Variants in NIBAN2 observed in about 807,000 individuals in gnomAD.
The protein encoded by NIBAN2 is protein Niban 2.
A neutral mutation model predicts 81.8 loss-of-function variants in NIBAN2; 36 were observed. That is an observed-to-expected ratio of 0.44 (90% confidence interval 0.34 to 0.58). NIBAN2 has a LOEUF of 0.58. Among genes scored for constraint, NIBAN2 ranks in the 20% least tolerant of loss-of-function variants. The pLI, the probability that NIBAN2 is intolerant of heterozygous loss-of-function variation, is 0.02. For missense variants in NIBAN2, 897 were observed against 1,014.1 expected (o/e 0.88, Z 1.57); for synonymous variants, 445 against 441.6 (o/e 1.01, Z -0.10).
At chr9:127,538,059 A>C (rs1837310513) in intron 1 of NIBAN2, among the ~76,000 whole-genome samples, 2 of 152,112 alleles carry the variant, frequency 1.3e-5, no homozygotes, top group Admixed American at 1.3e-4. Flanking sequence ...ACTTTTGGGG[A>C]TGCAGGTCCA....
In NIBAN2 at chr9:127,507,329, G is replaced by C; in HGVS notation, c.1757C>G (p.Pro586Arg). 1 of 1,562,522 alleles carries C rather than the reference G, an allele frequency of 6.4e-7. No homozygotes were observed. The highest frequency in any genetic ancestry group is 8.7e-7 in the Non-Finnish European group (1 of 1,150,802). Residue 586 changes from proline (P) to arginine (R), a missense_variant, in exon 14 of 14, where the codon CCC becomes CGC. Around this residue, in one of 3 missense-constraint regions of NIBAN2, gnomAD observed 619 missense variants for 691.0 expected, o/e 0.90. Transcript: ENST00000373312. This position sits in a 1 kb window ranked among gnomAD's most constrained non-coding sequence, Gnocchi z 6.8. Reference sequence around the variant, plus strand: ...GCTGTACTCCTCGCCCCAGTCGATGGGGGCGCCCTCGGCCAGCAGGTGCAG... The same window carrying C: ...GCTGTACTCCTCGCCCCAGTCGATGCGGGCGCCCTCGGCCAGCAGGTGCAG... ...PNLHLLAEGA[P>R]IDWGEEYSNS...
At chr9:127,554,860 A>G (rs776319658) in intron 1 of NIBAN2, among the ~76,000 whole-genome samples, 20 of 151,988 alleles carry the variant, frequency 1.3e-4, no homozygotes, top group Non-Finnish European at 2.5e-4. Context: ...TGAGCCACCA[A>G]AATGCTGGGA....
At chr9:127,523,229 A>G (rs1480986802) in intron 5 of NIBAN2, among the ~76,000 whole-genome samples, 1 of 87,724 alleles carries the variant, frequency 1.1e-5, no homozygotes, top group African/African-American at 4.6e-5. Context: ...ATATATATAT[A>G]TATATATATA....
At chr9:127,541,640 G>C (rs1564310798) in intron 1 of NIBAN2, among the ~76,000 whole-genome samples, 1 of 152,246 alleles carries the variant, frequency 6.6e-6, no homozygotes, top group East Asian at 1.9e-4. Context: ...AGTAGCAGGA[G>C]GGGGACCAGC....
In NIBAN2 at chr9:127,517,863, T is replaced by G. The variant is rs112085953; in HGVS notation, c.668A>C (p.Tyr223Ser). The change falls in exon 6 of 14, where the codon TAC (tyrosine) becomes TCC (serine). Residue 223 changes from tyrosine to serine, a missense_variant. Tyr to Ser is a moderately radical substitution (Grantham distance 144). This residue lies in a region of NIBAN2 where 69 missense variants were observed against 114.7 expected (regional missense o/e 0.60). Transcript: ENST00000373312. The surrounding 1 kb of genome is among the most constrained non-coding windows in gnomAD (Gnocchi z 4.0). Reference sequence around the variant, plus strand: ...CCCACACAGCATCTCCCAGGTGCCGTACAGCTCCTTGGACTGTCGGTACAT... The same window carrying G: ...CCCACACAGCATCTCCCAGGTGCCGGACAGCTCCTTGGACTGTCGGTACAT... The part of the protein sequence containing the change: ...IRMYRQSKEL[Y>S]GTWEMLCGNE... The G allele has an allele frequency of 4.3e-6, 7 of 1,613,870 alleles. No homozygotes were observed. Among genetic ancestry groups the G allele is most frequent in the Non-Finnish European group, 5.9e-6 (7 of 1,179,932 alleles).
intron 1 of NIBAN2, among the ~76,000 whole-genome samples, chr9:127,558,334 C>CG (rs1039930221): frequency 1.3e-5 from 2 of 151,878 alleles, no homozygotes; most frequent in East Asian, 1.9e-4. Context: ...TGCACGGGTG[C>CG]GGGGGGTGGG....
At chr9:127,570,481 A>G (rs10987688), upstream of NIBAN2, among the ~76,000 whole-genome samples, 64,465 of 152,016 alleles carry the variant, frequency 0.42, 14,708 homozygotes, top group Middle Eastern at 0.55. Flanking sequence ...TCAAAAGAGA[A>G]TGATGCTTTT....
At chr9:127,541,889 C>A (rs967580827) in intron 1 of NIBAN2, among the ~76,000 whole-genome samples, 5 of 152,104 alleles carry the variant, frequency 3.3e-5, no homozygotes, top group Non-Finnish European at 7.4e-5. Context: ...GGATTCCCAC[C>A]CCACCACTAC....
intron 1 of NIBAN2, among the ~76,000 whole-genome samples, chr9:127,538,858 T>C (rs1564309412): frequency 6.7e-6 from 1 of 149,958 alleles, no homozygotes. Flanking sequence ...GGCAGGATAA[T>C]TGCTTGAACC....
intron 3 of NIBAN2, among the ~76,000 whole-genome samples, chr9:127,525,465 G>A (rs1387454040): frequency 6.6e-6 from 1 of 152,086 alleles, no homozygotes; most frequent in African/African-American, 2.4e-5. Context: ...TATAAAACCA[G>A]GGAATCAAGA....
At chr9:127,552,696 T>G (rs180778117) in intron 1 of NIBAN2, among the ~76,000 whole-genome samples, 16 of 142,054 alleles carry the variant, frequency 1.1e-4, no homozygotes, top group South Asian at 2.4e-4. Context: ...TTTTTTTTTT[T>G]TTTTTTTTTT....
At chr9:127,531,121 A>T (rs1264519453) in intron 2 of NIBAN2, among the ~76,000 whole-genome samples, 3 of 151,608 alleles carry the variant, frequency 2.0e-5, no homozygotes, top group African/African-American at 7.3e-5. Context: ...TTGAGGCTGC[A>T]GTGAGGCATG....
intron 8 of NIBAN2, among the ~76,000 whole-genome samples, chr9:127,514,690 T>C (rs1318615528): frequency 6.6e-6 from 1 of 152,250 alleles, no homozygotes; most frequent in Non-Finnish European, 1.5e-5. Flanking sequence ...TGTAAAAGCC[T>C]TCTTCCTTTG....
At chr9:127,557,135 AG>A in intron 1 of NIBAN2, among the ~76,000 whole-genome samples, 1 of 152,186 alleles carries the variant, frequency 6.6e-6, no homozygotes, top group Non-Finnish European at 1.5e-5. Context: ...CGGGTGGCCA[AG>A]GGGCTGTGGG....
rs536312054 is a variant in NIBAN2 at position 127,551,218 on chromosome 9, G to A, written c.55+17602C>T. Among the ~76,000 whole-genome samples the A allele has an allele frequency of 1.2e-4, 18 of 152,130 alleles. No individual in the cohort carries two copies. In the South Asian group the frequency reaches 1.2e-3, roughly 11 times the overall value. ...AGCCTGGCCAACATAGTGAAACCCC[G>A]TCTCTACTAAAAATACAAAATTGGC... On this transcript the variant is annotated intron_variant, in intron 1 of 13. Transcript: ENST00000373312.
intron 2 of NIBAN2, 41 bp from the exon 3 acceptor site, chr9:127,527,363 G>C (rs745852032): frequency 1.0e-5 from 16 of 1,590,082 alleles, no homozygotes; most frequent in South Asian, 4.4e-5. Context: ...CCAGGTCTGG[G>C]GGGGTGGTGC....
chr9:127,511,046 T>C (rs1320292275), intron 8 of NIBAN2, among the ~76,000 whole-genome samples: 1 of 151,838 alleles, frequency 6.6e-6, no homozygotes, highest in African/African-American at 2.4e-5. Context: ...ATCATATTAT[T>C]ATTGTTATTA....
chr9:127,546,246 A>C (rs1588176542), intron 1 of NIBAN2, among the ~76,000 whole-genome samples: 2 of 152,014 alleles, frequency 1.3e-5, no homozygotes, highest in African/African-American at 4.8e-5. Flanking sequence ...CACCACCCCC[A>C]CAGGAGCCTG....
chr9:127,513,016 C>T (rs1377405999), intron 8 of NIBAN2, among the ~76,000 whole-genome samples: 9 of 152,118 alleles, frequency 5.9e-5, no homozygotes, highest in Non-Finnish European at 1.3e-4. Flanking sequence ...TACATATACA[C>T]GATGGGGTAC....
Sources: gnomAD v4.1 joint callset for allele counts (sites outside exome capture counted in the v4.1 genomes callset) on GRCh38, gnomAD v4.1.1 for gene constraint, gnomAD v4.1.1 regional missense constraint, Gnocchi (gnomAD v3.1) non-coding constraint, MANE v1.5 for transcripts, NCBI Gene and HGNC (gene_info 2026-07-23, HGNC 2026-07-21) for gene names.